KCNN2: variants seen among roughly 807,000 people sequenced by gnomAD.
KCNN2 encodes the protein potassium calcium-activated channel subfamily N member 2, also known as small conductance calcium-activated potassium channel protein 2.
In KCNN2, 24 loss-of-function variants were observed where a neutral mutation model predicts 55.5. That is an observed-to-expected ratio of 0.43 (90% CI 0.31 to 0.61). The LOEUF (loss-of-function observed/expected upper bound fraction) is 0.61. KCNN2 is among the 20% of genes least tolerant of loss of function. KCNN2 has a pLI of 0.08. For synonymous variants in KCNN2, 431 were observed against 336.1 expected (o/e 1.28, Z -3.09); for missense variants, 754 against 853.6 (o/e 0.88, Z 1.45).
chr5:114,228,277 C>CTT (rs1400084189), intron 2 of KCNN2, among the ~76,000 whole-genome samples: 3 of 151,980 alleles, frequency 2.0e-5, no homozygotes. Context: ...ATCTCATTTA[C>CTT]TTTTGAGGTT....
Position 114,140,760 on chromosome 5 carries a change from C to CTTA in KCNN2, c.-270-80719_-270-80718insTAT, listed in dbSNP as rs1334176906. ...TCTATTGCAAAACATTACTGTCATC[C>CTTA]TCATTATTATTATTATTATTATTAT... On this transcript the variant is annotated intron_variant, in intron 1 of 10. Transcript: ENST00000512097. Among the ~76,000 whole-genome samples the CTTA allele has an allele frequency of 7.2e-5, 9 of 125,732 alleles. No homozygotes were observed. The East Asian group carries it at 1.8e-3, about 25-fold the overall frequency. The allele number at this position is 125,732 out of a possible 152,430, so 82.5% of individuals were successfully genotyped here.
At chr5:114,493,526 C>G in intron 7 of KCNN2, 54 bp downstream of exon 7, 2 of 1,159,170 alleles carry the variant, frequency 1.7e-6, no homozygotes, top group Non-Finnish European at 2.6e-6. Context: ...TCAACCACTT[C>G]ACAGTCACTA....
chr5:114,239,564 T>C (rs969675394), intron 2 of KCNN2, among the ~76,000 whole-genome samples: 18 of 152,202 alleles, frequency 1.2e-4, no homozygotes, highest in Admixed American at 1.3e-4. Context: ...CACCCTATCT[T>C]TATCAGTTGG....
chr5:114,272,819 G>A (rs184912107), intron 2 of KCNN2, among the ~76,000 whole-genome samples: 73 of 152,082 alleles, frequency 4.8e-4, no homozygotes, highest in Non-Finnish European at 9.0e-4. Flanking sequence ...TTCTAGTTAG[G>A]CATCATATCA....
At chr5:114,307,662 C>T (rs777145081) in intron 2 of KCNN2, among the ~76,000 whole-genome samples, 1 of 152,194 alleles carries the variant, frequency 6.6e-6, no homozygotes, top group Non-Finnish European at 1.5e-5. Context: ...GGACAATTAT[C>T]TAGACCTTTC....
intron 2 of KCNN2, among the ~76,000 whole-genome samples, chr5:114,241,705 GAT>G (rs10624495): frequency 0.036 from 1,739 of 48,692 alleles, 174 homozygotes; most frequent in African/African-American, 0.076. Context: ...TATATATGTG[GAT>G]ATATATATAT....
intron 1 of KCNN2, among the ~76,000 whole-genome samples, chr5:114,169,434 A>C (rs1436030392): frequency 6.6e-6 from 1 of 152,190 alleles, no homozygotes; most frequent in Middle Eastern, 3.4e-3. Flanking sequence ...CATATGAAAA[A>C]GAATGCTGAA....
At chr5:114,177,751 G>A (rs1753165316) in intron 1 of KCNN2, among the ~76,000 whole-genome samples, 2 of 152,004 alleles carry the variant, frequency 1.3e-5, no homozygotes, top group Non-Finnish European at 2.9e-5. Context: ...AAAGTATGAG[G>A]TAATTAATCA....
intron 3 of KCNN2, among the ~76,000 whole-genome samples, chr5:114,453,362 AAAT>A (rs1474305850): frequency 6.6e-6 from 1 of 152,188 alleles, no homozygotes; most frequent in Non-Finnish European, 1.5e-5. Flanking sequence ...TACTTAAAAC[AAAT>A]AATGTTAGAG....
At chr5:114,073,689 C>A (rs1401905642) in intron 1 of KCNN2, among the ~76,000 whole-genome samples, 1 of 152,164 alleles carries the variant, frequency 6.6e-6, no homozygotes, top group Admixed American at 6.5e-5. Flanking sequence ...GTCCTTGAGA[C>A]TTTGAGAGCT....
At chr5:114,461,697 G>C (rs1761207006) in intron 3 of KCNN2, among the ~76,000 whole-genome samples, 1 of 151,338 alleles carries the variant, frequency 6.6e-6, no homozygotes, top group African/African-American at 2.4e-5. Flanking sequence ...TTTTATTTTT[G>C]AAGCAGGAAG....
chr5:114,444,029 G>A (rs889506485), intron 3 of KCNN2, among the ~76,000 whole-genome samples: 3 of 152,214 alleles, frequency 2.0e-5, no homozygotes, highest in African/African-American at 7.2e-5. Flanking sequence ...ATGATATAGA[G>A]AGATAGGCTG....
chr5:114,284,948 G>C (rs1331978400), intron 2 of KCNN2, among the ~76,000 whole-genome samples: 1 of 151,988 alleles, frequency 6.6e-6, no homozygotes, highest in Non-Finnish European at 1.5e-5. Context: ...TGTTGTTTAA[G>C]CTACCCAGTC....
At chr5:114,357,421 G>A (rs1757315636), upstream of KCNN2, among the ~76,000 whole-genome samples, 1 of 132,156 alleles carries the variant, frequency 7.6e-6, no homozygotes, top group Non-Finnish European at 1.6e-5. Context: ...CTAGCATTAG[G>A]TATATCTCCC....
At chr5:114,382,994 T>A (rs1291501154) in intron 2 of KCNN2, among the ~76,000 whole-genome samples, 4 of 152,204 alleles carry the variant, frequency 2.6e-5, no homozygotes, top group African/African-American at 7.2e-5. Flanking sequence ...AACAAATTAG[T>A]ATCTTAGTTA....
intron 1 of KCNN2, 32 bp from the exon 2 acceptor site, chr5:114,363,857 GTTAAAAGTGCTTCTTTC>G (rs751323233): frequency 6.8e-5 from 98 of 1,449,112 alleles, no homozygotes; most frequent in Admixed American, 5.0e-5. Context: ...GTGGAAGGCG[GTTAAAAGTGCTTCTTTC>G]TTAAAAGTGC....
intron 1 of KCNN2, among the ~76,000 whole-genome samples, chr5:114,163,123 C>T (rs898832340): frequency 2.0e-5 from 3 of 152,126 alleles, no homozygotes. Context: ...TGGAGCTGTT[C>T]CTATTTGGCC....
intron 3 of KCNN2, among the ~76,000 whole-genome samples, chr5:114,415,020 A>G (rs1233844589): frequency 2.0e-5 from 3 of 152,136 alleles, no homozygotes; most frequent in South Asian, 4.1e-4. Context: ...CTAATATACT[A>G]TCTGTCTCCA....
At chr5:114,176,849 T>C (rs528644359) in intron 1 of KCNN2, among the ~76,000 whole-genome samples, 2 of 152,302 alleles carry the variant, frequency 1.3e-5, no homozygotes, top group South Asian at 4.1e-4. Flanking sequence ...CAAACAAATA[T>C]TATTTGCATC....
Sources: allele counts gnomAD v4.1 joint callset (sites outside exome capture counted in the v4.1 genomes callset), GRCh38; gene constraint gnomAD v4.1.1; transcripts MANE v1.5; gene names NCBI Gene and HGNC (gene_info 2026-07-23, HGNC 2026-07-21).